Variants in ZNF320 observed in about 807,000 individuals in gnomAD.
ZNF320 encodes the protein zinc finger gene 320.
ZNF320 carries 2 observed loss-of-function variants against 6.8 expected under a neutral mutation model. The ratio of observed to expected loss-of-function variants is 0.29; its 90% CI spans 0.12 to 0.93. The LOEUF is 0.93. ZNF320 is among the 40% of genes least tolerant of loss of function. ZNF320 has a pLI of 0.55. For synonymous variants in ZNF320, 208 were observed against 203.2 expected (o/e 1.02, Z -0.20); for missense variants, 472 against 611.0 (o/e 0.77, Z 2.40).
Position 52,880,790 on chromosome 19 carries a change from A to T in ZNF320, c.1336T>A (p.Cys446Ser), listed in dbSNP as rs771607827. The change falls in exon 6 of 6, where the codon TGT (cysteine) becomes AGT (serine). Residue 446 changes from cysteine to serine, a missense_variant. Physicochemically the swap from Cys to Ser is moderately radical, Grantham distance 112 (BLOSUM62 -1). Around this residue, in one of 2 missense-constraint regions of ZNF320, gnomAD observed 462 missense variants for 559.7 expected, o/e 0.83. Transcript: ENST00000682928. ...TGEKPHKCGD[C>S]GKAFNSPSHL... ...GAAGGTGAATTAAAGGCTTTACCAC[A>T]ATCACCACACTTGTGAGGTTTCTCT... 1 of 1,613,910 alleles carries T rather than the reference A, an allele frequency of 6.2e-7. No homozygotes were observed. Among genetic ancestry groups the T allele is most frequent in the South Asian group, 1.1e-5 (1 of 91,072 alleles).
chr19:52,882,757 A>G (rs1228944776), intron 5 of ZNF320, among the ~76,000 whole-genome samples: 1 of 152,160 alleles, frequency 6.6e-6, no homozygotes, highest in East Asian at 1.9e-4. Flanking sequence ...CCTGGCCAAC[A>G]TGGCGAAGCC....
At chr19:52,860,166 C>T (rs1258525141), downstream of ZNF320, among the ~76,000 whole-genome samples, 1 of 152,300 alleles carries the variant, frequency 6.6e-6, no homozygotes, top group Admixed American at 6.5e-5. Context: ...CCCGCCTCGG[C>T]CTCCCAAAGT....
chr19:52,881,056 T>C lies in ZNF320; in HGVS notation c.1070A>G (p.Tyr357Cys), dbSNP rs1379784373. Residue 357 changes from tyrosine to cysteine, a missense_variant, in exon 6 of 6, where the codon TAC (tyrosine) becomes TGC (cysteine). Around this residue, in one of 2 missense-constraint regions of ZNF320, gnomAD observed 462 missense variants for 559.7 expected, o/e 0.83. Transcript: ENST00000682928. Reference protein sequence around the residue: ...HRRIHTGEKPYKCKVCDKAFR... With the variant: ...HRRIHTGEKPCKCKVCDKAFR... ...AGCCTTGTCACAAACCTTACATTTG[T>C]ATGGTTTCTCTCCAGTATGAATCCT... 1.2e-6 allele frequency: 2 copies of C among 1,614,222 alleles called. No homozygotes were observed. The highest frequency in any genetic ancestry group is 2.2e-5 in the East Asian group (1 of 44,888).
At chr19:52,866,869 C>CAAAAAAAAAAAAAAAAAAAA (rs58231328) in intron 5 of ZNF320, among the ~76,000 whole-genome samples, 1 of 108,890 alleles carries the variant, frequency 9.2e-6, no homozygotes, top group Non-Finnish European at 1.9e-5. Context: ...ACAAAACATA[C>CAAAAAAAAAAAAAAAAAAAA]AAAAAAAAAA....
exon 6 of ZNF320, chr19:52,861,706 T>C (rs932412186): frequency 5.6e-5 from 14 of 251,356 alleles, no homozygotes; most frequent in African/African-American, 1.2e-4. Context: ...CAATGCTGAA[T>C]TGACTCTAAT....
intron 5 of ZNF320, among the ~76,000 whole-genome samples, chr19:52,886,053 C>T (rs2064067823): frequency 6.6e-6 from 1 of 152,002 alleles, no homozygotes; most frequent in Admixed American, 6.6e-5. Context: ...AGAAATGCAA[C>T]ATACACAAAA....
intron 1 of ZNF320, chr19:52,894,093 T>G (rs11670858): frequency 0.21 from 32,040 of 151,986 alleles, 3,675 homozygotes; most frequent in South Asian, 0.3. Context: ...AATTAAAAAC[T>G]AGTGAAGAGG....
downstream of ZNF320, chr19:52,874,188 T>C (rs1366021402): frequency 4.4e-5 from 9 of 203,450 alleles, no homozygotes; most frequent in Non-Finnish European, 9.2e-5. Flanking sequence ...TGCTGCCCAC[T>C]ACACCAGAGA....
At chr19:52,900,350 C>T (rs2064567502), upstream of ZNF320, among the ~76,000 whole-genome samples, 11 of 152,140 alleles carry the variant, frequency 7.2e-5, no homozygotes, top group Admixed American at 7.2e-4. Flanking sequence ...TCTAGCTATG[C>T]AATACCGTCT....
chr19:52,883,739 A>C (rs2147830182), intron 5 of ZNF320: 1 of 352,908 alleles, frequency 2.8e-6, no homozygotes, highest in East Asian at 1.0e-4. Context: ...CTCTATTAAA[A>C]ATACAAAAAA....
At chr19:52,897,327 G>A (rs1294487711) in intron 1 of ZNF320, among the ~76,000 whole-genome samples, 193 bp downstream of exon 1, 4 of 152,302 alleles carry the variant, frequency 2.6e-5, no homozygotes, top group African/African-American at 7.2e-5. Context: ...GCGACGGTGG[G>A]AGGCGCCTAG....
At chr19:52,861,860 G>T in exon 6 of ZNF320, 1 of 384,740 alleles carries the variant, frequency 2.6e-6, no homozygotes, top group Non-Finnish European at 5.2e-6. Context: ...TGTCCAGTAG[G>T]GATTCTCTGA....
Position 52,893,759 on chromosome 19 carries a change from A to T in ZNF320, c.-192+20T>A, listed in dbSNP as rs1012257923. 11 of 152,168 alleles carry T rather than the reference A, an allele frequency of 7.2e-5. No homozygotes were observed. Among genetic ancestry groups the T allele is most frequent in the African/African-American group, 2.7e-4 (11 of 41,438 alleles). 9.4% of individuals were successfully genotyped at this position (152,168 alleles called of 1,614,324 possible). A position where few individuals can be genotyped will look rare whatever the true frequency, so the allele number is the denominator to read the frequency against. ...AGGTATAAGCAAAAACCTGGAGAGG[A>T]CACAACCAAAGCTACTCACCAGGCT... On this transcript the variant is annotated intron_variant, in intron 2 of 5. Transcript: ENST00000682928.
At chr19:52,864,209 T>A (rs751733330) in intron 5 of ZNF320, 7 of 189,488 alleles carry the variant, frequency 3.7e-5, no homozygotes, top group Non-Finnish European at 6.8e-5. Flanking sequence ...CGTTATCACC[T>A]TCACACGAAA....
chr19:52,892,663 A>C (rs1252829007), intron 2 of ZNF320, among the ~76,000 whole-genome samples: 2 of 152,100 alleles, frequency 1.3e-5, no homozygotes, highest in African/African-American at 2.4e-5. Flanking sequence ...CCCAATCTTT[A>C]GATCATCCTC....
At chr19:52,875,353 A>G (rs1461942636), downstream of ZNF320, among the ~76,000 whole-genome samples, 1 of 152,146 alleles carries the variant, frequency 6.6e-6, no homozygotes, top group East Asian at 1.9e-4. Context: ...CTCAGTGGAG[A>G]GGCCTGCAGG....
chr19:52,890,342 A>T lies in ZNF320; in HGVS notation c.-73-14T>A. On this transcript the variant is annotated splice_polypyrimidine_tract_variant and intron_variant, in intron 3 of 5. Transcript: ENST00000682928. ...TAGAAGTCAATCCTAAATGTTAGAA[A>T]TATGTTGTTTATCACTGAGAATCAA... is the stretch of plus-strand genomic sequence containing the variant. 1 of 1,531,134 alleles carries T rather than the reference A, an allele frequency of 6.5e-7. No individual in the cohort carries two copies. The highest frequency in any genetic ancestry group is 8.9e-7 in the Non-Finnish European group (1 of 1,124,724). The allele number at this position is 1,531,134 out of a possible 1,614,324, so 94.8% of individuals were successfully genotyped here. A position where few individuals can be genotyped will look rare whatever the true frequency, so the allele number is the denominator to read the frequency against.
downstream of ZNF320, among the ~76,000 whole-genome samples, chr19:52,873,283 A>G (rs2063712510): frequency 6.6e-6 from 1 of 152,212 alleles, no homozygotes; most frequent in South Asian, 2.1e-4. Flanking sequence ...GGAAACCTGG[A>G]CAATACCCAG....
intron 5 of ZNF320, among the ~76,000 whole-genome samples, chr19:52,867,180 TAA>T (rs1491388702): frequency 4.6e-5 from 7 of 151,730 alleles, no homozygotes; most frequent in African/African-American, 7.3e-5. Context: ...ATTAATTAAT[TAA>T]TTAATTAATT....
Sources: allele counts gnomAD v4.1 joint callset (sites outside exome capture counted in the v4.1 genomes callset), GRCh38; gene constraint gnomAD v4.1.1; regional missense constraint gnomAD v4.1.1; transcripts MANE v1.5; gene names NCBI Gene and HGNC (gene_info 2026-07-23, HGNC 2026-07-21).